The following GREB1L variants were observed in gnomAD, a reference collection of about 807,000 sequenced individuals.
GREB1L encodes the protein GREB1 like retinoic acid receptor coactivator.
GREB1L carries 17 observed loss-of-function variants against 200.8 expected under a neutral mutation model. That is an observed-to-expected ratio of 0.08 (90% CI 0.06 to 0.13). The LOEUF (loss-of-function observed/expected upper bound fraction) is 0.13. Ranked by LOEUF, GREB1L falls within the 10% of genes least tolerant of loss-of-function variation. GREB1L has a pLI of 1.00. For synonymous variants in GREB1L, 789 were observed against 893.0 expected, an observed-to-expected ratio of 0.88 and a Z score of 2.08; for missense variants, 1,657 against 2,367.7, an observed-to-expected ratio of 0.70 and a Z score of 6.23.
chr18:21,315,907 C>G (rs1023909952), intron 1 of GREB1L, among the ~76,000 whole-genome samples: 55 of 152,298 alleles, frequency 3.6e-4, no homozygotes, highest in African/African-American at 1.3e-3. Flanking sequence ...CTTACACAAC[C>G]CGCACATCGA....
At chr18:21,414,411 T>A (rs1388406082) in intron 7 of GREB1L, among the ~76,000 whole-genome samples, 2 of 152,246 alleles carry the variant, frequency 1.3e-5, no homozygotes, top group African/African-American at 2.4e-5. Context: ...TTTTCTTTTA[T>A]GTTATAATTT....
chr18:21,398,333 A>G (rs191148033), intron 5 of GREB1L, among the ~76,000 whole-genome samples: 50 of 152,338 alleles, frequency 3.3e-4, no homozygotes, highest in Middle Eastern at 6.8e-3. Context: ...CGGGTCATAA[A>G]GATCAAATGA....
intron 15 of GREB1L, among the ~76,000 whole-genome samples, chr18:21,461,371 C>G (rs2035040426): frequency 6.6e-6 from 1 of 152,106 alleles, no homozygotes; most frequent in African/African-American, 2.4e-5. Context: ...AAAGACAAAA[C>G]AAGACTTTGT....
chr18:21,447,223 T>C lies in GREB1L; in HGVS notation c.1394-2287T>C, dbSNP rs540122361. 8.3e-4 allele frequency among the ~76,000 whole-genome samples: 127 copies of C among 152,162 alleles called. 1 individual carries two copies. In the South Asian group the frequency reaches 0.011, roughly 13 times the overall value. ...TCACTTGAGCCCAGAAGTTCAGAAC[T>C]GCAGTGAGCTATGATTGTGCCACTG... On this transcript the variant is annotated intron_variant, in intron 11 of 32. Coordinates refer to ENST00000424526, the MANE Select transcript of GREB1L (RefSeq NM_001142966.3).
intron 1 of GREB1L, among the ~76,000 whole-genome samples, chr18:21,363,279 T>TCCCCCCCCCCCCCC (rs71369899): frequency 2.0e-4 from 1 of 5,004 alleles, no homozygotes; most frequent in Non-Finnish European, 3.6e-4. Context: ...CCACTCCGCC[T>TCCCCCCCCCCCCCC]CCCCCCCGCC....
At chr18:21,512,617 A>G (rs1742969457) in intron 27 of GREB1L, among the ~76,000 whole-genome samples, 1 of 151,948 alleles carries the variant, frequency 6.6e-6, no homozygotes, top group Non-Finnish European at 1.5e-5. Context: ...AGATAATTTT[A>G]CTTCCTTCCT....
intron 7 of GREB1L, among the ~76,000 whole-genome samples, chr18:21,427,340 C>A (rs546350200): frequency 6.6e-6 from 1 of 151,780 alleles, no homozygotes; most frequent in South Asian, 2.1e-4. Context: ...CTCATCTCTA[C>A]AAGAAATACA....
chr18:21,453,334 A>G (rs1210478012), intron 14 of GREB1L, among the ~76,000 whole-genome samples: 2 of 152,120 alleles, frequency 1.3e-5, no homozygotes, highest in African/African-American at 4.8e-5. Flanking sequence ...CTAAATCTCC[A>G]CTTGCTGTCA....
At chr18:21,373,943 A>G (rs1310019830) in intron 2 of GREB1L, among the ~76,000 whole-genome samples, 2 of 151,604 alleles carry the variant, frequency 1.3e-5, no homozygotes, top group African/African-American at 2.4e-5. Context: ...TGGTTTCTCT[A>G]ATCTTTAGCC....
intron 29 of GREB1L, among the ~76,000 whole-genome samples, chr18:21,516,120 T>A (rs1422178277): frequency 6.6e-6 from 1 of 152,068 alleles, no homozygotes; most frequent in East Asian, 1.9e-4. Flanking sequence ...ATGAGCAGGG[T>A]AGCCATGGCC....
intron 1 of GREB1L, among the ~76,000 whole-genome samples, chr18:21,257,409 AT>A (rs1267744142): frequency 6.6e-6 from 1 of 152,126 alleles, no homozygotes; most frequent in Non-Finnish European, 1.5e-5. Flanking sequence ...TAACTGTGGT[AT>A]TTTTTACAGT....
At chr18:21,330,186 C>A (rs554752520) in intron 1 of GREB1L, among the ~76,000 whole-genome samples, 2 of 152,326 alleles carry the variant, frequency 1.3e-5, no homozygotes, top group East Asian at 3.9e-4. Context: ...CAGGCAGTGG[C>A]AGTCTGTCCT....
chr18:21,436,669 GGTGTGTGTGTGTGTGTGTGTGTGTGT>G (rs71178172), intron 7 of GREB1L, among the ~76,000 whole-genome samples: 4 of 132,456 alleles, frequency 3.0e-5, no homozygotes, highest in Admixed American at 7.7e-5. Context: ...AAAGTTCAGT[GGTGTGTGTGTGTGTGTGTGTGTGTGT>G]GTGTGTGTGT....
intron 1 of GREB1L, among the ~76,000 whole-genome samples, chr18:21,283,481 G>A (rs2038305091): frequency 6.6e-6 from 1 of 152,234 alleles, no homozygotes; most frequent in Non-Finnish European, 1.5e-5. Flanking sequence ...AATTGTCTGT[G>A]TTGGGGTATC....
chr18:21,452,465 C>G, intron 14 of GREB1L: 1 of 406,634 alleles, frequency 2.5e-6, no homozygotes, highest in Non-Finnish European at 4.3e-6. Context: ...TAAGCACTCT[C>G]TCTTTTTTCT....
intron 1 of GREB1L, among the ~76,000 whole-genome samples, chr18:21,343,843 C>T (rs575156950): frequency 6.7e-6 from 1 of 149,446 alleles, no homozygotes; most frequent in Admixed American, 6.8e-5. Flanking sequence ...TCAAGTGATT[C>T]CCCCACCTCA....
Position 21,329,969 on chromosome 18 carries a change from T to TTG in GREB1L, c.-119-36058_-119-36057insTG, listed in dbSNP as rs1555628418. Among the ~76,000 whole-genome samples the TTG allele has an allele frequency of 2.9e-3, 381 of 129,360 alleles. 3 individuals are homozygous for TTG. Among genetic ancestry groups the TTG allele is most frequent in the African/African-American group, 0.011 (365 of 34,156 alleles). 84.9% of individuals were successfully genotyped at this position (129,360 alleles called of 152,430 possible). On this transcript the variant is annotated intron_variant, in intron 1 of 32. Coordinates refer to ENST00000424526, the MANE Select transcript of GREB1L (RefSeq NM_001142966.3). ...TCTTTACCCACAATGGTTTTTTTTT[T>TTG]GGGGGGGGGGGGTCTTTATCTTGGA...
intron 2 of GREB1L, among the ~76,000 whole-genome samples, chr18:21,372,003 G>A (rs543669514): frequency 2.6e-5 from 4 of 152,206 alleles, no homozygotes; most frequent in South Asian, 2.1e-4. Flanking sequence ...TTTGAATTAA[G>A]GTCATTGGAC....
intron 1 of GREB1L, among the ~76,000 whole-genome samples, chr18:21,275,304 G>T (rs2038143992): frequency 6.6e-6 from 1 of 152,158 alleles, no homozygotes; most frequent in Non-Finnish European, 1.5e-5. Context: ...AACTAGTTGA[G>T]AGAAATGTAG....
Sources: allele counts gnomAD v4.1 joint callset (sites outside exome capture counted in the v4.1 genomes callset), GRCh38; gene constraint gnomAD v4.1.1; transcripts MANE v1.5; gene names NCBI Gene and HGNC (gene_info 2026-07-23, HGNC 2026-07-21).